MYO6: variants seen among roughly 807,000 people sequenced by gnomAD.
MYO6 encodes the protein unconventional myosin-VI.
A neutral mutation model predicts 178.7 loss-of-function variants in MYO6; 74 were observed. The ratio of observed to expected loss-of-function variants is 0.41; its 90% CI spans 0.34 to 0.50. The LOEUF (loss-of-function observed/expected upper bound fraction) is 0.50, where lower values mean the gene tolerates loss of function less well. MYO6 is among the 20% of genes least tolerant of loss of function. The pLI, the probability that MYO6 is intolerant of heterozygous loss-of-function variation, is 0.09. For synonymous variants in MYO6, 477 were observed against 504.6 expected, an observed-to-expected ratio of 0.95 and a Z score of 0.73; for missense variants, 1,330 against 1,547.4, an observed-to-expected ratio of 0.86 and a Z score of 2.36.
intron 1 of MYO6, among the ~76,000 whole-genome samples, chr6:75,810,752 G>A (rs544737214): frequency 1.3e-5 from 2 of 152,340 alleles, no homozygotes; most frequent in South Asian, 4.1e-4. Context: ...GGCTGTGCAG[G>A]CCTGTCAAGA....
intron 22 of MYO6, 112 bp from the exon 23 acceptor site, chr6:75,881,577 T>A (rs1380148949): frequency 9.3e-7 from 1 of 1,079,348 alleles, no homozygotes; most frequent in Non-Finnish European, 1.4e-6. Context: ...AATTGACATG[T>A]GACCATTTTC....
At chr6:75,847,480 T>C (rs746970197) in intron 10 of MYO6, among the ~76,000 whole-genome samples, 3 of 151,910 alleles carry the variant, frequency 2.0e-5, no homozygotes, top group Non-Finnish European at 4.4e-5. Context: ...GTAACTTTTA[T>C]GTTTCTCCTT....
intron 1 of MYO6, among the ~76,000 whole-genome samples, chr6:75,783,591 C>T (rs1220378000): frequency 6.7e-6 from 1 of 149,512 alleles, no homozygotes; most frequent in Non-Finnish European, 1.5e-5. Context: ...AAATATCCCA[C>T]TTACCTCAGT....
intron 25 of MYO6, among the ~76,000 whole-genome samples, chr6:75,887,240 C>T (rs548357633): frequency 1.2e-4 from 19 of 152,278 alleles, no homozygotes; most frequent in South Asian, 2.1e-4. Flanking sequence ...AGATATCCCT[C>T]GCAACTTAAT....
At chr6:75,839,398 C>T (rs905306317) in intron 7 of MYO6, among the ~76,000 whole-genome samples, 3 of 152,008 alleles carry the variant, frequency 2.0e-5, no homozygotes, top group Non-Finnish European at 4.4e-5. Context: ...ACGTGTTAGC[C>T]AGGATGGTCT....
intron 9 of MYO6, among the ~76,000 whole-genome samples, chr6:75,841,676 A>C (rs1038228100): frequency 6.6e-6 from 1 of 152,198 alleles, no homozygotes; most frequent in Non-Finnish European, 1.5e-5. Context: ...CCTGGGTAAC[A>C]GAGCGAGACC....
chr6:75,808,079 T>C (rs552262579), intron 1 of MYO6, among the ~76,000 whole-genome samples: 2 of 152,350 alleles, frequency 1.3e-5, no homozygotes, highest in South Asian at 4.1e-4. Context: ...AAAGAAAAAT[T>C]ATTCTAACAC....
chr6:75,802,808 A>G lies in MYO6; in HGVS notation c.-47-14693A>G, dbSNP rs1220951245. Among the ~76,000 whole-genome samples the G allele has an allele frequency of 4.6e-5, 7 of 152,288 alleles. No homozygotes were observed. The East Asian group carries it at 9.7e-4, about 21-fold the overall frequency. ...GGTGGAAAAATCTCTTAAACCTAGC[A>G]CAAATTACAGAACTAGGTAACTTCT... is the stretch of plus-strand genomic sequence containing the variant. On this transcript the variant is annotated intron_variant, in intron 1 of 34. Coordinates refer to ENST00000369977, the MANE Select transcript of MYO6 (RefSeq NM_004999.4).
chr6:75,828,576 A>C lies in MYO6; in HGVS notation c.224A>C (p.His75Pro). Residue 75 changes from histidine to proline, a missense_variant, in exon 4 of 35, where the codon CAT (histidine) becomes CCT (proline). His to Pro is a moderately conservative substitution (Grantham distance 77). Transcript: ENST00000369977. Reference sequence around the variant, plus strand: ...TATTTAAATGAAGCCACACTGCTCCATAATATCAAAGTTCGATATAGTAAA... The same window carrying C: ...TATTTAAATGAAGCCACACTGCTCCCTAATATCAAAGTTCGATATAGTAAA... ...LMYLNEATLLHNIKVRYSKDR... is the reference protein window; with the variant it reads ...LMYLNEATLLPNIKVRYSKDR... 1 of 1,585,840 alleles carries C rather than the reference A, an allele frequency of 6.3e-7. No homozygotes were observed. Among genetic ancestry groups the C allele is most frequent in the Non-Finnish European group, 8.7e-7 (1 of 1,154,718 alleles).
chr6:75,826,818 CAGG>C (rs1772514440), intron 3 of MYO6, among the ~76,000 whole-genome samples: 1 of 151,878 alleles, frequency 6.6e-6, no homozygotes, highest in Admixed American at 6.6e-5. Flanking sequence ...GTGACTGAGG[CAGG>C]AGAATCGCTT....
In MYO6 at chr6:75,830,527, C is replaced by T. The variant is rs1330232823; in HGVS notation, c.373C>T (p.Pro125Ser). 4 of 1,611,470 alleles carry T rather than the reference C, an allele frequency of 2.5e-6. No homozygotes were observed. Among genetic ancestry groups the T allele is most frequent in the Non-Finnish European group, 2.5e-6 (3 of 1,178,066 alleles). ...YQGKSLGTRP[P>S]HVFAIADKAF... ...AGGAAAATCTCTTGGGACAAGACCA[C>T]CTCATGTCTTTGCAATTGGTAAGTG... Residue 125 changes from proline to serine, a missense_variant, in exon 5 of 35, where the codon CCT becomes TCT. Physicochemically the swap from Pro to Ser is moderately conservative, Grantham distance 74 (BLOSUM62 -1). This residue lies in a region of MYO6 where 613 missense variants were observed against 816.8 expected (regional missense o/e 0.75). Coordinates refer to ENST00000369977, the MANE Select transcript of MYO6 (RefSeq NM_004999.4).
rs397888755 is a variant in MYO6 at position 75,782,909 on chromosome 6, CTTTTT to C, written c.-48+33502_-48+33506del. On this transcript the variant is annotated intron_variant, in intron 1 of 34. Transcript: ENST00000369977. ...TGATAATCCTCAGTTAGCTAGTTAG[CTTTTT>C]TTTTTTTTTTTTTTTGAGAAGACAG... Among the ~76,000 whole-genome samples the C allele has an allele frequency of 2.5e-5, 3 of 117,968 alleles. No individual in the cohort carries two copies. The South Asian group carries it at 8.1e-4, about 32-fold the overall frequency. The allele number at this position is 117,968 out of a possible 152,430, so 77.4% of individuals were successfully genotyped here.
intron 1 of MYO6, among the ~76,000 whole-genome samples, chr6:75,813,835 C>G (rs1770938865): frequency 6.6e-6 from 1 of 152,116 alleles, no homozygotes; most frequent in African/African-American, 2.4e-5. Context: ...TGCCCAGGAG[C>G]TAGGGCCTGG....
chr6:75,880,948 C>T (rs898210483), intron 22 of MYO6, among the ~76,000 whole-genome samples: 2 of 152,132 alleles, frequency 1.3e-5, no homozygotes, highest in East Asian at 3.9e-4. Context: ...AATTTCTCAT[C>T]TCTGTTTAAA....
Position 75,817,589 on chromosome 6 carries a change from T to A in MYO6, c.42T>A (p.Asp14Glu). The A allele has an allele frequency of 6.2e-7, 1 of 1,614,216 alleles. No homozygotes were observed. Among genetic ancestry groups the A allele is most frequent in the South Asian group, 1.1e-5 (1 of 91,090 alleles). The change falls in exon 2 of 35, where the codon GAT becomes GAA. Residue 14 changes from aspartate (D) to glutamate (E), a missense_variant. Transcript: ENST00000369977. ...CCGTTTGGGCGCCACACCCTACAGA[T>A]GGATTTCAGATGGGCAATATTGTGG... ...GKPVWAPHPT[D>E]GFQMGNIVDI...
chr6:75,895,244 A>G lies in MYO6; in HGVS notation c.3121A>G (p.Arg1041Gly). 1.2e-6 allele frequency: 2 copies of G among 1,606,966 alleles called. No individual in the cohort carries two copies. The highest frequency in any genetic ancestry group is 1.7e-6 in the Non-Finnish European group (2 of 1,174,256). ...TTCTTTTCACAGAAATGATGGAACAAGACCCAAAATGACACCGTATGTCAC... is the reference window on the plus strand; with the variant it reads ...TTCTTTTCACAGAAATGATGGAACAGGACCCAAAATGACACCGTATGTCAC... ...DLALRRNDGTRPKMTPEQMAK... is the reference protein window; with the variant it reads ...DLALRRNDGTGPKMTPEQMAK... The change falls in exon 29 of 35, where the codon AGA becomes GGA. Residue 1041 changes from arginine to glycine, a missense_variant. Arg to Gly is a moderately radical substitution (Grantham distance 125, BLOSUM62 -2). Around this residue, in one of 3 missense-constraint regions of MYO6, gnomAD observed 601 missense variants for 626.1 expected, o/e 0.96. Coordinates refer to ENST00000369977, the MANE Select transcript of MYO6 (RefSeq NM_004999.4).
chr6:75,816,577 A>G (rs1469455190), intron 1 of MYO6, among the ~76,000 whole-genome samples: 2 of 152,232 alleles, frequency 1.3e-5, no homozygotes, highest in South Asian at 2.1e-4. Flanking sequence ...TTAGATTTGT[A>G]CATTTCACTG....
At chr6:75,845,023 T>C (rs752071502) in intron 10 of MYO6, 46 bp downstream of exon 10, 4 of 1,427,092 alleles carry the variant, frequency 2.8e-6, no homozygotes, top group Admixed American at 1.7e-5. Context: ...AAAAAAAAAC[T>C]CATGCTGAAA....
In MYO6 at chr6:75,917,771, C is replaced by A. The variant is rs142353235; in HGVS notation, c.*2759C>A. The stretch of plus-strand genomic sequence containing the variant: ...CACTTAGAGAATAGCAATCCACAGG[C>A]AAGAATAATGGTATTGTTTGTAGAG... On this transcript the variant is annotated 3_prime_UTR_variant, in exon 35 of 35. Coordinates refer to ENST00000369977, the MANE Select transcript of MYO6 (RefSeq NM_004999.4). 2.1e-3 allele frequency: 313 copies of A among 152,644 alleles called. No homozygotes were observed. The highest frequency in any genetic ancestry group is 0.01 in the Middle Eastern group (3 of 294). 9.5% of individuals were successfully genotyped at this position (152,644 alleles called of 1,614,324 possible). A position where few individuals can be genotyped will look rare whatever the true frequency, so the allele number is the denominator to read the frequency against.
Sources: allele counts gnomAD v4.1 joint callset (sites outside exome capture counted in the v4.1 genomes callset), GRCh38; gene constraint gnomAD v4.1.1; regional missense constraint gnomAD v4.1.1; transcripts MANE v1.5; gene names NCBI Gene and HGNC (gene_info 2026-07-23, HGNC 2026-07-21).